DNAH14: variants seen among roughly 807,000 people sequenced by gnomAD.
The protein encoded by DNAH14 is axonemal beta dynein heavy chain 14.
In DNAH14, 478 loss-of-function variants were observed where a neutral mutation model predicts 520.9. The observed-to-expected ratio is 0.92, with a 90% confidence interval of 0.85 to 0.99. The LOEUF is 0.99. DNAH14 is among the 50% of genes least tolerant of loss of function. DNAH14 has a pLI of 0.00. For missense variants in DNAH14, 4,831 were observed against 5,234.5 expected (o/e 0.92, Z 2.38); for synonymous variants, 1,581 against 1,757.2 (o/e 0.90, Z 2.51).
In DNAH14 at chr1:225,145,395, A is replaced by T. The variant is rs2149051055; in HGVS notation, c.4794+16A>T. ...GGATTATAAGGTAAACCTTAAACAT[A>T]TGTGTCAGGAAGAAATATTGTACAC... On this transcript the variant is annotated intron_variant, in intron 30 of 85. Transcript: ENST00000682510. 6.5e-7 allele frequency: 1 copy of T among 1,527,772 alleles called. No individual in the cohort carries two copies. Among genetic ancestry groups the T allele is most frequent in the African/African-American group, 1.4e-5 (1 of 72,654 alleles). 94.6% of individuals were successfully genotyped at this position (1,527,772 alleles called of 1,614,324 possible).
intron 55 of DNAH14, among the ~76,000 whole-genome samples, chr1:225,291,395 G>C (rs2093885823): frequency 6.6e-6 from 1 of 151,864 alleles, no homozygotes. Context: ...GGGATTGCTG[G>C]ATCTTATGAT....
chr1:225,381,049 A>T (rs1368664028), intron 80 of DNAH14, among the ~76,000 whole-genome samples: 1 of 152,248 alleles, frequency 6.6e-6, no homozygotes, highest in African/African-American at 2.4e-5. Flanking sequence ...AGTTTGTGAC[A>T]CATAAATGTT....
intron 49 of DNAH14, among the ~76,000 whole-genome samples, chr1:225,269,526 A>G (rs1444744715): frequency 1.3e-5 from 2 of 152,238 alleles, no homozygotes; most frequent in Non-Finnish European, 1.5e-5. Context: ...AGAAACTACC[A>G]TCAGAGTGAA....
At chr1:224,932,352 C>T (rs1035125403) in intron 1 of DNAH14, among the ~76,000 whole-genome samples, 1 of 151,876 alleles carries the variant, frequency 6.6e-6, no homozygotes, top group African/African-American at 2.4e-5. Context: ...TATTATGGAT[C>T]TTGGTTCCCT....
chr1:225,140,981 C>T lies in DNAH14; in HGVS notation c.4468C>T (p.Leu1490Phe). 1 of 1,550,720 alleles carries T rather than the reference C, an allele frequency of 6.4e-7. No homozygotes were observed. The highest frequency in any genetic ancestry group is 8.7e-7 in the Non-Finnish European group (1 of 1,146,534). ...HCRDIVINLL[L>F]KNIFNAEDFE... ...CAGAGATATAGTGATAAATTTACTA[C>T]TTAAAAATATCTTCAATGCAGAGGA... Residue 1490 changes from leucine to phenylalanine, a missense_variant, in exon 28 of 86, where the codon CTT (leucine) becomes TTT (phenylalanine). Physicochemically the swap from Leu to Phe is conservative, Grantham distance 22 (BLOSUM62 0). Coordinates refer to ENST00000682510, the MANE Select transcript of DNAH14 (RefSeq NM_001367479.1).
chr1:225,395,557 G>A (rs547325530), intron 84 of DNAH14, among the ~76,000 whole-genome samples: 23 of 148,066 alleles, frequency 1.6e-4, no homozygotes, highest in East Asian at 2.0e-4. Flanking sequence ...GCGCCACTGC[G>A]CTCCAGCCTG....
intron 27 of DNAH14, among the ~76,000 whole-genome samples, chr1:225,136,557 C>A (rs2078969428): frequency 6.6e-6 from 1 of 152,048 alleles, no homozygotes; most frequent in Non-Finnish European, 1.5e-5. Context: ...TGTAGGTGAC[C>A]TAGCTTTTCT....
intron 8 of DNAH14, among the ~76,000 whole-genome samples, chr1:224,996,096 G>C (rs2063371647): frequency 6.6e-6 from 1 of 151,984 alleles, no homozygotes; most frequent in South Asian, 2.1e-4. Context: ...ATGATTTCCT[G>C]AGTCTTTGTA....
chr1:225,131,553 C>A (rs953418070), intron 27 of DNAH14, among the ~76,000 whole-genome samples: 6 of 152,074 alleles, frequency 3.9e-5, no homozygotes, highest in Non-Finnish European at 8.8e-5. Context: ...TACATTTGAC[C>A]CACCCAGATA....
chr1:225,351,554 C>A, intron 71 of DNAH14, 93 bp from the exon 72 acceptor site: 1 of 719,636 alleles, frequency 1.4e-6, no homozygotes, highest in Non-Finnish European at 2.1e-6. Flanking sequence ...ATAGCCTTAA[C>A]AGTACATCTT....
intron 73 of DNAH14, 60 bp downstream of exon 73, chr1:225,353,948 C>T (rs575340678): frequency 2.5e-5 from 24 of 966,036 alleles, no homozygotes; most frequent in Non-Finnish European, 3.6e-5. Context: ...TTATTAGTAA[C>T]TTAAACCCTT....
Position 225,023,874 on chromosome 1 carries a change from CT to C in DNAH14, c.1358+15del. 1 of 1,514,296 alleles carries C rather than the reference CT, an allele frequency of 6.6e-7. No homozygotes were observed. Among genetic ancestry groups the C allele is most frequent in the South Asian group, 1.3e-5 (1 of 77,852 alleles). 93.8% of individuals were successfully genotyped at this position (1,514,296 alleles called of 1,614,324 possible). A position where few individuals can be genotyped will look rare whatever the true frequency, so the allele number is the denominator to read the frequency against. ...AATGAAAATCTTATCAGGTAAATTACTTTTTTGAAGTCAAAAAGTAACTTAC... is the reference window on the plus strand; with the variant it reads ...AATGAAAATCTTATCAGGTAAATTACTTTTTGAAGTCAAAAAGTAACTTAC... On this transcript the variant is annotated intron_variant, in intron 11 of 85. Transcript: ENST00000682510.
chr1:224,931,753 G>T (rs1184101744), intron 1 of DNAH14, among the ~76,000 whole-genome samples: 2 of 152,056 alleles, frequency 1.3e-5, no homozygotes, highest in Non-Finnish European at 2.9e-5. Context: ...ATAACTTCCA[G>T]TTCCATCTAT....
chr1:224,944,138 T>C (rs911644966), intron 1 of DNAH14, among the ~76,000 whole-genome samples: 6 of 152,244 alleles, frequency 3.9e-5, no homozygotes, highest in African/African-American at 1.4e-4. Context: ...CTAAGTCTCT[T>C]TGTAGGTCTC....
At chr1:224,947,964 A>G (rs2059950792) in intron 1 of DNAH14, among the ~76,000 whole-genome samples, 1 of 152,022 alleles carries the variant, frequency 6.6e-6, no homozygotes, top group South Asian at 2.1e-4. Flanking sequence ...GTTGATTTTC[A>G]AACTATGCCA....
chr1:224,985,687 C>T (rs981139240), intron 8 of DNAH14, among the ~76,000 whole-genome samples: 1 of 150,736 alleles, frequency 6.6e-6, no homozygotes, highest in Non-Finnish European at 1.5e-5. Flanking sequence ...AGGAATTAAG[C>T]AACCAGATAA....
At chr1:224,950,586 T>C (rs1456975828) in intron 1 of DNAH14, among the ~76,000 whole-genome samples, 2 of 152,220 alleles carry the variant, frequency 1.3e-5, no homozygotes, top group Non-Finnish European at 1.5e-5. Flanking sequence ...TTCTTGTTTA[T>C]TAGATGTTTG....
intron 2 of DNAH14, chr1:224,954,514 G>A (rs1005370171): frequency 6.5e-6 from 1 of 152,674 alleles, no homozygotes; most frequent in African/African-American, 2.4e-5. Context: ...GAAAAAAAAG[G>A]AAGGCAACAT....
intron 36 of DNAH14, among the ~76,000 whole-genome samples, chr1:225,171,144 C>T (rs2082599052): frequency 6.6e-6 from 1 of 152,150 alleles, no homozygotes; most frequent in Non-Finnish European, 1.5e-5. Flanking sequence ...ATTTATAGCA[C>T]TAAATGCCCA....
Sources: allele counts gnomAD v4.1 joint callset (sites outside exome capture counted in the v4.1 genomes callset), GRCh38; gene constraint gnomAD v4.1.1; transcripts MANE v1.5; gene names NCBI Gene and HGNC (gene_info 2026-07-23, HGNC 2026-07-21).